Variants in CORIN observed in about 807,000 individuals in gnomAD.
CORIN encodes atrial natriuretic peptide-converting enzyme.
Under a neutral mutation model 125.3 loss-of-function variants are expected in CORIN, and 117 were observed. That is an observed-to-expected ratio of 0.93 (90% CI 0.80 to 1.09). CORIN has a LOEUF of 1.09. Ranked by LOEUF, CORIN falls within the 50% of genes least tolerant of loss-of-function variation. CORIN has a pLI of 0.00. For synonymous variants in CORIN, 450 were observed against 466.4 expected, an observed-to-expected ratio of 0.96 and a Z score of 0.45; for missense variants, 1,253 against 1,306.7, an observed-to-expected ratio of 0.96 and a Z score of 0.63.
intron 19 of CORIN, among the ~76,000 whole-genome samples, chr4:47,615,906 G>C (rs1169537009): frequency 6.6e-6 from 1 of 152,120 alleles, no homozygotes; most frequent in Non-Finnish European, 1.5e-5. Context: ...CCACTTTTTT[G>C]GAAGAAGATT....
intron 20 of CORIN, among the ~76,000 whole-genome samples, chr4:47,601,520 G>A (rs573719551): frequency 4.0e-5 from 6 of 150,990 alleles, no homozygotes; most frequent in Non-Finnish European, 8.9e-5. Context: ...TTTTTTTTTT[G>A]TAGAGACAGA....
intron 1 of CORIN, among the ~76,000 whole-genome samples, chr4:47,834,959 C>G (rs1272824849): frequency 2.0e-5 from 3 of 152,122 alleles, no homozygotes; most frequent in Non-Finnish European, 4.4e-5. Flanking sequence ...TTGCCCAGAG[C>G]CTTGCGGTTC....
chr4:47,668,766 CATAACTT>C (rs1344788170), intron 10 of CORIN, among the ~76,000 whole-genome samples: 1 of 152,058 alleles, frequency 6.6e-6, no homozygotes, highest in Non-Finnish European at 1.5e-5. Flanking sequence ...TGGGTTAAGA[CATAACTT>C]TTAAGTGTTT....
At chr4:47,820,114 C>T (rs1349870054) in intron 1 of CORIN, among the ~76,000 whole-genome samples, 1 of 152,106 alleles carries the variant, frequency 6.6e-6, no homozygotes, top group Non-Finnish European at 1.5e-5. Flanking sequence ...TGGAACCATC[C>T]ATGGTTTCAA....
intron 19 of CORIN, among the ~76,000 whole-genome samples, chr4:47,623,027 C>T (rs1293767002): frequency 6.7e-6 from 1 of 149,614 alleles, no homozygotes; most frequent in African/African-American, 2.5e-5. Context: ...TCTGCTATGA[C>T]AAGGCTGCCT....
chr4:47,660,544 A>G (rs1724196120), intron 12 of CORIN, among the ~76,000 whole-genome samples: 1 of 152,226 alleles, frequency 6.6e-6, no homozygotes, highest in South Asian at 2.1e-4. Context: ...TCAAAAGAAG[A>G]CATACGAATG....
intron 6 of CORIN, among the ~76,000 whole-genome samples, chr4:47,686,169 C>A (rs1725508782): frequency 6.6e-6 from 1 of 150,948 alleles, no homozygotes; most frequent in African/African-American, 2.4e-5. Flanking sequence ...CAAAAAAGCA[C>A]TCTTCTAAAA....
chr4:47,683,896 T>A, intron 6 of CORIN, 58 bp from the exon 7 acceptor site: 1 of 1,288,572 alleles, frequency 7.8e-7, no homozygotes, highest in Non-Finnish European at 1.1e-6. Flanking sequence ...GCTATTGTAG[T>A]ACGATATTTA....
At chr4:47,618,931 G>C (rs1307380947) in intron 19 of CORIN, among the ~76,000 whole-genome samples, 1 of 152,186 alleles carries the variant, frequency 6.6e-6, no homozygotes, top group African/African-American at 2.4e-5. Context: ...TTGAAGAGCT[G>C]CTGTGAAGGG....
rs1226896762 is a variant in CORIN at position 47,643,248 on chromosome 4, G to A, written c.1966C>T (p.Gln656Ter). 6.3e-7 allele frequency: 1 copy of A among 1,594,154 alleles called. No individual in the cohort carries two copies. Among genetic ancestry groups the A allele is most frequent in the African/African-American group, 1.3e-5 (1 of 74,308 alleles). ...YMDEKNCSFC[Q>*]DDELECANHA... The stretch of plus-strand genomic sequence containing the variant: ...TTTGCACATTCCAGCTCATCATCTT[G>A]GCAAAATGCTGGCATGGGGAACAAA... The change falls in exon 15 of 22, where the codon CAA (glutamine) becomes TAA (stop). Residue 656 changes from glutamine (Q) to a stop codon, truncating the protein, a stop_gained. Transcript: ENST00000273857. LOFTEE classifies it high-confidence loss of function.
intron 16 of CORIN, among the ~76,000 whole-genome samples, chr4:47,628,564 G>A (rs13149126): frequency 0.26 from 39,565 of 151,494 alleles, 5,336 homozygotes; most frequent in Admixed American, 0.36. Context: ...TTAGATCTCC[G>A]GAACTTATTC....
chr4:47,641,741 A>G (rs1485567150), intron 16 of CORIN, among the ~76,000 whole-genome samples, 179 bp downstream of exon 16: 1 of 152,080 alleles, frequency 6.6e-6, no homozygotes, highest in African/African-American at 2.4e-5. Context: ...TCCAGCACAC[A>G]CTCTTCAGGG....
In CORIN at chr4:47,788,956, C is replaced by T. The variant is rs188427397; in HGVS notation, c.209-2031G>A. Among the ~76,000 whole-genome samples the T allele has an allele frequency of 8.5e-3, 1,290 of 152,180 alleles. 16 individuals are homozygous for T. Among genetic ancestry groups the T allele is most frequent in the African/African-American group, 0.029 (1,215 of 41,514 alleles). ...TAATTAGCCTTATTAATAATCTTTC[C>T]TTTGTCATTTTAATATTTCCTTTAT... On this transcript the variant is annotated intron_variant, in intron 2 of 21. Coordinates refer to ENST00000273857, the MANE Select transcript of CORIN (RefSeq NM_006587.4).
At chr4:47,715,819 ATAC>A (rs1298837503) in intron 5 of CORIN, among the ~76,000 whole-genome samples, 1 of 152,182 alleles carries the variant, frequency 6.6e-6, no homozygotes. Flanking sequence ...ATGTGAAGAA[ATAC>A]CTATGCTGCA....
chr4:47,762,183 C>T (rs1729496149), intron 4 of CORIN, among the ~76,000 whole-genome samples: 1 of 152,002 alleles, frequency 6.6e-6, no homozygotes, highest in Admixed American at 6.6e-5. Context: ...AGTGTTCTCA[C>T]CACAAAAATG....
intron 4 of CORIN, among the ~76,000 whole-genome samples, chr4:47,748,176 G>A (rs1728747921): frequency 6.6e-6 from 1 of 152,188 alleles, no homozygotes; most frequent in Admixed American, 6.5e-5. Context: ...TGAGCAAAAT[G>A]TGTAGTCATT....
At position 47,807,048 on chromosome 4, in the gene CORIN, C is replaced by T. The variant is rs779731031; in HGVS notation, c.64-1G>A. 20 of 1,603,158 alleles carry T rather than the reference C, an allele frequency of 1.2e-5. No individual in the cohort carries two copies. The highest frequency in any genetic ancestry group is 1.0e-5 in the Non-Finnish European group (12 of 1,176,994). The stretch of plus-strand genomic sequence containing the variant: ...TGTTATTGTCATCAGCTCTCAAGAC[C>T]TAAAGTAAAAGAGGAAAATGCAACA... On this transcript the variant is annotated splice_acceptor_variant, in intron 1 of 21. Transcript: ENST00000273857. LOFTEE classifies it high-confidence loss of function.
intron 4 of CORIN, among the ~76,000 whole-genome samples, chr4:47,750,404 T>C (rs1190963089): frequency 6.6e-6 from 1 of 152,166 alleles, no homozygotes; most frequent in East Asian, 1.9e-4. Flanking sequence ...TTTTTCTTCA[T>C]TTGTAATAGT....
chr4:47,612,631 C>T lies in CORIN; in HGVS notation c.2541-8963G>A, dbSNP rs1721916034. 2.6e-5 allele frequency among the ~76,000 whole-genome samples: 4 copies of T among 152,296 alleles called. No homozygotes were observed. In the South Asian group the frequency reaches 8.3e-4, roughly 32 times the overall value. ...GAGATGAGCAACTCATCTAAAGTCACAGAGACAGCAAGTGATGGTAACAGA... is the reference window on the plus strand; with the variant it reads ...GAGATGAGCAACTCATCTAAAGTCATAGAGACAGCAAGTGATGGTAACAGA... On this transcript the variant is annotated intron_variant, in intron 19 of 21. Transcript: ENST00000273857.
Sources: gnomAD v4.1 joint callset for allele counts (sites outside exome capture counted in the v4.1 genomes callset) on GRCh38, gnomAD v4.1.1 for gene constraint, MANE v1.5 for transcripts, NCBI Gene and HGNC (gene_info 2026-07-23, HGNC 2026-07-21) for gene names.